CNTNAP2: variants seen among roughly 807,000 people sequenced by gnomAD.
CNTNAP2 encodes the protein contactin-associated protein-like 2.
In CNTNAP2, 98 loss-of-function variants were observed where a neutral mutation model predicts 155.2. The observed-to-expected ratio is 0.63, with a 90% CI of 0.54 to 0.75. The LOEUF (loss-of-function observed/expected upper bound fraction) is 0.75, where lower values mean the gene tolerates loss of function less well. Ranked by LOEUF, CNTNAP2 falls within the 30% of genes least tolerant of loss-of-function variation. The pLI is 0.00. For missense variants in CNTNAP2, 1,727 were observed against 1,688.1 expected, an observed-to-expected ratio of 1.02 and a Z score of -0.40; for synonymous variants, 651 against 631.2, an observed-to-expected ratio of 1.03 and a Z score of -0.47.
At chr7:147,743,232 G>A (rs755666668) in intron 13 of CNTNAP2, among the ~76,000 whole-genome samples, 12 of 152,124 alleles carry the variant, frequency 7.9e-5, no homozygotes, top group Non-Finnish European at 1.8e-4. Flanking sequence ...TGATTGCATC[G>A]TAGTTACACT....
intron 13 of CNTNAP2, among the ~76,000 whole-genome samples, chr7:147,852,331 A>G (rs374643168): frequency 1.3e-5 from 2 of 152,188 alleles, no homozygotes; most frequent in African/African-American, 4.8e-5. Flanking sequence ...GGAGGTATGA[A>G]TGAAAAGTTT....
chr7:147,569,254 A>G (rs1191392529), intron 12 of CNTNAP2, among the ~76,000 whole-genome samples: 1 of 152,168 alleles, frequency 6.6e-6, no homozygotes, highest in African/African-American at 2.4e-5. Context: ...ATTTAGTATT[A>G]TGTTTCTCAC....
At chr7:146,589,186 G>A (rs567663325) in intron 1 of CNTNAP2, among the ~76,000 whole-genome samples, 1 of 149,910 alleles carries the variant, frequency 6.7e-6, no homozygotes, top group South Asian at 2.1e-4. Flanking sequence ...ATTGAAAGTG[G>A]AGTGTAGGTA....
intron 1 of CNTNAP2, among the ~76,000 whole-genome samples, chr7:146,251,220 A>C (rs1799751362): frequency 6.6e-6 from 1 of 152,208 alleles, no homozygotes; most frequent in Non-Finnish European, 1.5e-5. Flanking sequence ...GATGTAATTA[A>C]ATTACCCTGA....
chr7:146,971,069 G>T (rs1470955395), intron 3 of CNTNAP2, among the ~76,000 whole-genome samples: 1 of 152,066 alleles, frequency 6.6e-6, no homozygotes, highest in African/African-American at 2.4e-5. Context: ...TGTGGGGTTG[G>T]AGGGGGAGGG....
intron 10 of CNTNAP2, among the ~76,000 whole-genome samples, chr7:147,397,862 T>A (rs1328413641): frequency 6.6e-6 from 1 of 152,032 alleles, no homozygotes; most frequent in East Asian, 1.9e-4. Flanking sequence ...ACCTTTCTTA[T>A]TCTTTAGGAT....
chr7:146,731,991 T>C (rs1018995031), intron 1 of CNTNAP2, among the ~76,000 whole-genome samples: 8 of 152,162 alleles, frequency 5.3e-5, no homozygotes, highest in Non-Finnish European at 8.8e-5. Flanking sequence ...TATCTAATGC[T>C]AACTGCCCAA....
chr7:147,787,232 G>A (rs995814833), intron 13 of CNTNAP2, among the ~76,000 whole-genome samples: 1 of 152,200 alleles, frequency 6.6e-6, no homozygotes, highest in African/African-American at 2.4e-5. Context: ...GATGGCTGGA[G>A]AATGCATCCC....
chr7:147,435,697 C>T (rs2178212), intron 10 of CNTNAP2, among the ~76,000 whole-genome samples: 120,747 of 152,146 alleles, frequency 0.79, 48,528 homozygotes, highest in African/African-American at 0.93. Context: ...GGTGTGGTGC[C>T]GAGCTCCTTC....
Position 146,940,832 on chromosome 7 carries a change from GAGAGAA to G in CNTNAP2, c.402+100934_402+100939del, listed in dbSNP as rs1325839434. Among the ~76,000 whole-genome samples, 302 of 147,476 alleles carry G rather than the reference GAGAGAA, an allele frequency of 2.0e-3. 5 individuals are homozygous for G. Among genetic ancestry groups the G allele is most frequent in the African/African-American group, 7.1e-3 (281 of 39,822 alleles). ...ATGTGTGTGTGTGTATATACATATAGAGAGAAAGAGAGAGAAAGAGAGAGAGAGAGA... is the reference window on the plus strand; with the variant it reads ...ATGTGTGTGTGTGTATATACATATAGAGAGAGAGAAAGAGAGAGAGAGAGA... On this transcript the variant is annotated intron_variant, in intron 3 of 23. Transcript: ENST00000361727.
intron 8 of CNTNAP2, among the ~76,000 whole-genome samples, chr7:147,292,660 A>G (rs147390318): frequency 1.3e-5 from 2 of 152,280 alleles, no homozygotes; most frequent in Non-Finnish European, 2.9e-5. Flanking sequence ...CAAGATAAGG[A>G]CCACTACCTA....
intron 14 of CNTNAP2, among the ~76,000 whole-genome samples, chr7:147,963,411 G>A (rs951617116): frequency 5.3e-5 from 8 of 152,088 alleles, no homozygotes; most frequent in Non-Finnish European, 1.0e-4. Context: ...TGATCTTGGA[G>A]GGGTCAGGGA....
At chr7:146,822,660 T>C (rs1283086524) in intron 2 of CNTNAP2, among the ~76,000 whole-genome samples, 5 of 147,910 alleles carry the variant, frequency 3.4e-5, no homozygotes, top group Middle Eastern at 3.6e-3. Context: ...AATATTTAAA[T>C]ATAAATATAC....
chr7:147,303,325 T>G (rs1033538688), intron 9 of CNTNAP2, among the ~76,000 whole-genome samples: 3 of 152,216 alleles, frequency 2.0e-5, no homozygotes, highest in Non-Finnish European at 4.4e-5. Flanking sequence ...ACTTGTTGAT[T>G]CAGTGAATTA....
chr7:146,423,147 ACTTTT>A (rs1419815220), intron 1 of CNTNAP2, among the ~76,000 whole-genome samples: 1 of 152,038 alleles, frequency 6.6e-6, no homozygotes, highest in African/African-American at 2.4e-5. Context: ...CTCTTGTGCA[ACTTTT>A]CTTATTATGG....
intron 1 of CNTNAP2, among the ~76,000 whole-genome samples, chr7:146,220,105 C>T (rs1212005645): frequency 1.3e-5 from 2 of 152,084 alleles, no homozygotes; most frequent in Non-Finnish European, 2.9e-5. Context: ...ACCATTCTGA[C>T]TTTTGCCTTT....
Position 147,240,346 on chromosome 7 carries a change from T to G in CNTNAP2, c.1349-59795T>G, listed in dbSNP as rs73459553. Among the ~76,000 whole-genome samples the G allele has an allele frequency of 8.7e-3, 1,331 of 152,304 alleles. 19 individuals are homozygous for G. Among genetic ancestry groups the G allele is most frequent in the African/African-American group, 0.031 (1,286 of 41,554 alleles). ...TCTCTAATAAAAAGAAAATGCATAG[T>G]ATTTATTTTATAATGTCGTGGCAAT... On this transcript the variant is annotated intron_variant, in intron 8 of 23. Transcript: ENST00000361727.
In CNTNAP2 at chr7:146,493,556, C is replaced by A. The variant is rs187086722; in HGVS notation, c.98-280715C>A. Reference sequence around the variant, plus strand: ...CTAGAAAACAGAAGACAGCATGTTTCTAATCCCAGAAATTAGGTTTCTGGG... The same window carrying A: ...CTAGAAAACAGAAGACAGCATGTTTATAATCCCAGAAATTAGGTTTCTGGG... On this transcript the variant is annotated intron_variant, in intron 1 of 23. Coordinates refer to ENST00000361727, the MANE Select transcript of CNTNAP2 (RefSeq NM_014141.6). 1.6e-3 allele frequency among the ~76,000 whole-genome samples: 239 copies of A among 152,190 alleles called. No homozygotes were observed. The Middle Eastern group carries it at 0.017, about 11-fold the overall frequency.
At chr7:146,637,999 C>T (rs1377491711) in intron 1 of CNTNAP2, among the ~76,000 whole-genome samples, 2 of 152,052 alleles carry the variant, frequency 1.3e-5, no homozygotes, top group Non-Finnish European at 2.9e-5. Flanking sequence ...CTATAAGGAC[C>T]TTGTATCTAG....
Sources: gnomAD v4.1 joint callset for allele counts (sites outside exome capture counted in the v4.1 genomes callset) on GRCh38, gnomAD v4.1.1 for gene constraint, MANE v1.5 for transcripts, NCBI Gene and HGNC (gene_info 2026-07-23, HGNC 2026-07-21) for gene names.